The following ASB14 variants were observed in gnomAD, a reference collection of about 807,000 sequenced individuals.
ASB14 encodes ankyrin repeat and SOCS box containing 14.
In ASB14, 63 loss-of-function variants were observed where a neutral mutation model predicts 55.6. The observed-to-expected ratio is 1.13, with a 90% CI of 0.92 to 1.40. The LOEUF (loss-of-function observed/expected upper bound fraction) is 1.40, where lower values mean the gene tolerates loss of function less well. ASB14 is among the 40% of genes most tolerant of loss of function. The pLI is 0.00. For synonymous variants in ASB14, 256 were observed against 259.9 expected (o/e 0.98, Z 0.15); for missense variants, 724 against 710.4 (o/e 1.02, Z -0.22).
chr3:57,285,587 CA>C (rs1478991002), intron 5 of ASB14, among the ~76,000 whole-genome samples: 3 of 152,144 alleles, frequency 2.0e-5, no homozygotes, highest in African/African-American at 7.2e-5. Flanking sequence ...GTATGTCATT[CA>C]AAGGTAGGCC....
In ASB14 at chr3:57,289,059, A is replaced by G. The variant is rs1452668310; in HGVS notation, c.178+9T>C. The G allele has an allele frequency of 1.3e-6, 2 of 1,505,622 alleles. No homozygotes were observed. Among genetic ancestry groups the G allele is most frequent in the Middle Eastern group, 1.7e-4 (1 of 5,938 alleles). The allele number at this position is 1,505,622 out of a possible 1,614,324, so 93.3% of individuals were successfully genotyped here. On this transcript the variant is annotated intron_variant, in intron 3 of 10. Coordinates refer to ENST00000487349, the MANE Select transcript of ASB14 (RefSeq NM_001142733.3). ...CTTACCACAAGTTAAAGGGGATAGG[A>G]GTACTTAACTTTCTCTATTGTTTCA...
chr3:57,274,359 GTTTC>G (rs773893688), intron 10 of ASB14, among the ~76,000 whole-genome samples: 34 of 152,152 alleles, frequency 2.2e-4, no homozygotes, highest in Non-Finnish European at 4.3e-4. Context: ...GTCTTTTTCA[GTTTC>G]TTTCCTCACT....
chr3:57,278,688 G>T lies in ASB14; in HGVS notation c.1120C>A (p.Leu374Met). The change falls in exon 8 of 11, where the codon CTG becomes ATG. Residue 374 changes from leucine to methionine, a missense_variant. By Grantham distance (15) the Leu-to-Met change is conservative. Coordinates refer to ENST00000487349, the MANE Select transcript of ASB14 (RefSeq NM_001142733.3). ...VSNSDLSSVK[L>M]LLSAGALPNQ... Reference sequence around the variant, plus strand: ...GGCAGAGCTCCAGCACTCAGAAGCAGCTTGACTGAAGAGAGGTCACTGTTT... The same window carrying T: ...GGCAGAGCTCCAGCACTCAGAAGCATCTTGACTGAAGAGAGGTCACTGTTT... 6.2e-7 allele frequency: 1 copy of T among 1,614,194 alleles called. No individual in the cohort carries two copies. Among genetic ancestry groups the T allele is most frequent in the Non-Finnish European group, 8.5e-7 (1 of 1,180,034 alleles).
At chr3:57,287,221 G>A (rs566627385) in intron 5 of ASB14, among the ~76,000 whole-genome samples, 1 of 152,268 alleles carries the variant, frequency 6.6e-6, no homozygotes, top group East Asian at 1.9e-4. Flanking sequence ...CAGAGAGTGG[G>A]GCTTGTGGAC....
intron 5 of ASB14, among the ~76,000 whole-genome samples, chr3:57,284,094 A>ATATGTGTGTGTGTGTGTGTGTGTGTGTG (rs1553640085): frequency 1.5e-5 from 2 of 136,488 alleles, no homozygotes; most frequent in African/African-American, 5.6e-5. Flanking sequence ...AACACTGTGT[A>ATATGTGTGTGTGTGTGTGTGTGTGTGTG]TGTGTGTGTG....
In ASB14 at chr3:57,289,685, T is replaced by C. The variant is rs2061112833; in HGVS notation, c.123-562A>G. On this transcript the variant is annotated intron_variant, in intron 2 of 10. Coordinates refer to ENST00000487349, the MANE Select transcript of ASB14 (RefSeq NM_001142733.3). ...AGCAAATAAGGATTGTCACCTTCCA[T>C]TCTTTTTTTTTTTTTTTTTTTTTTT... 2.4e-5 allele frequency among the ~76,000 whole-genome samples: 3 copies of C among 126,066 alleles called. No homozygotes were observed. The South Asian group carries it at 7.8e-4, about 33-fold the overall frequency. 82.7% of individuals were successfully genotyped at this position (126,066 alleles called of 152,430 possible). A position where few individuals can be genotyped will look rare whatever the true frequency, so the allele number is the denominator to read the frequency against.
intron 1 of ASB14, 122 bp from the exon 2 acceptor site, chr3:57,292,226 T>C: frequency 1.6e-6 from 1 of 632,416 alleles, no homozygotes; most frequent in Non-Finnish European, 2.4e-6. Flanking sequence ...TAAAAAAGTT[T>C]TGTGGACTGC....
chr3:57,292,281 C>A (rs112304154), intron 1 of ASB14, among the ~76,000 whole-genome samples, 177 bp from the exon 2 acceptor site: 449 of 152,304 alleles, frequency 2.9e-3, no homozygotes, highest in Middle Eastern at 0.01. Context: ...TAGCCATTGA[C>A]TTAAAGCTTA....
In ASB14 at chr3:57,283,449, G is replaced by T; in HGVS notation, c.470-10C>A. The T allele has an allele frequency of 6.5e-7, 1 of 1,549,754 alleles. No homozygotes were observed. The highest frequency in any genetic ancestry group is 1.2e-5 in the South Asian group (1 of 83,926). On this transcript the variant is annotated splice_polypyrimidine_tract_variant and intron_variant, in intron 5 of 10. Coordinates refer to ENST00000487349, the MANE Select transcript of ASB14 (RefSeq NM_001142733.3). ...CAGTCACGCAGCACAGCTGGGAAAT[G>T]AGAAGTGTGGTGGGCATGTTCAACG...
In ASB14 at chr3:57,278,853, G is replaced by GAACT; in HGVS notation, c.951_954dup (p.His319SerfsTer22). 6.2e-7 allele frequency: 1 copy of GAACT among 1,613,710 alleles called. No individual in the cohort carries two copies. Among genetic ancestry groups the GAACT allele is most frequent in the Non-Finnish European group, 8.5e-7 (1 of 1,179,962 alleles). Reference sequence around the variant, plus strand: ...GGATGTGCTCCTGCTGCTGCACAGTGAACTGGACTGATCCCACTCTGCTTA... The same window carrying GAACT: ...GGATGTGCTCCTGCTGCTGCACAGTGAACTAACTGGACTGATCCCACTCTGCTTA... On this transcript the variant is annotated frameshift_variant, in exon 8 of 11. Transcript: ENST00000487349. LOFTEE classifies it high-confidence loss of function.
chr3:57,275,117 G>A (rs1422369312), intron 10 of ASB14, among the ~76,000 whole-genome samples: 1 of 152,098 alleles, frequency 6.6e-6, no homozygotes, highest in African/African-American at 2.4e-5. Context: ...CCTTATCGCT[G>A]GTTTCCCTTT....
In ASB14 at chr3:57,283,105, C is replaced by T. The variant is rs1324295390; in HGVS notation, c.715+89G>A. The T allele has an allele frequency of 6.2e-6, 9 of 1,447,614 alleles. No homozygotes were observed. In the East Asian group the frequency reaches 2.0e-4, roughly 32 times the overall value. The allele number at this position is 1,447,614 out of a possible 1,614,324, so 89.7% of individuals were successfully genotyped here. On this transcript the variant is annotated intron_variant, in intron 6 of 10. Transcript: ENST00000487349. ...CATTTATATTAGGCTTAAATGTTAACTTTTATTATTTTGAAGCTCTCCATT... is the reference window on the plus strand; with the variant it reads ...CATTTATATTAGGCTTAAATGTTAATTTTTATTATTTTGAAGCTCTCCATT...
chr3:57,289,688 T>C (rs1311527208), intron 2 of ASB14, among the ~76,000 whole-genome samples: 1 of 45,886 alleles, frequency 2.2e-5, no homozygotes, highest in African/African-American at 9.1e-5. Context: ...CCTTCCATTC[T>C]TTTTTTTTTT....
rs1216199235 is a variant in ASB14 at position 57,291,920 on chromosome 3, C to T, written c.114G>A (p.Lys38=). The change falls in exon 2 of 11, where the codon AAG becomes AAA. Residue 38 remains lysine, a synonymous_variant. Coordinates refer to ENST00000487349, the MANE Select transcript of ASB14 (RefSeq NM_001142733.3). ...YKPGTAQHAP[K]DESLHSFLSA... is the part of the protein sequence containing the mutation. ...GATGAGAAAACCATTACCTCTCATC[C>T]TTAGGTGCATGTTGTGCTGTTCCTG... 2.6e-6 allele frequency: 4 copies of T among 1,534,668 alleles called. No homozygotes were observed. Among genetic ancestry groups the T allele is most frequent in the Non-Finnish European group, 2.6e-6 (3 of 1,144,570 alleles).
rs1469082040 is a variant in ASB14, at chr3:57,292,024, A to C, written c.10T>G (p.Tyr4Asp). 4 of 1,534,020 alleles carry C rather than the reference A, an allele frequency of 2.6e-6. No individual in the cohort carries two copies. The highest frequency in any genetic ancestry group is 3.5e-6 in the Non-Finnish European group (4 of 1,144,244). Residue 4 changes from tyrosine to aspartate, a missense_variant, in exon 2 of 11, where the codon TAC becomes GAC. By Grantham distance (160) the Tyr-to-Asp change is radical (BLOSUM62 -3). Transcript: ENST00000487349. The part of the protein sequence containing the change: MDN[Y>D]TSDEDIDEDF... ...TCATCTATGTCTTCATCGCTGGTGT[A>C]ATTATCCATGTGAAACGTGGACAGG...
At position 57,278,004 on chromosome 3, in the gene ASB14, G is replaced by A. The variant is rs2061004170; in HGVS notation, c.1432-84C>T. The A allele has an allele frequency of 2.4e-6, 3 of 1,276,372 alleles. No homozygotes were observed. The East Asian group carries it at 7.3e-5, about 31-fold the overall frequency. The allele number at this position is 1,276,372 out of a possible 1,614,324, so 79.1% of individuals were successfully genotyped here. A position where few individuals can be genotyped will look rare whatever the true frequency, so the allele number is the denominator to read the frequency against. Reference sequence around the variant, plus strand: ...TTAGCATAGTAGTCAAAGGAGATGTGGTGTGATGAAAGCCAAGAGAGAAAA... The same window carrying A: ...TTAGCATAGTAGTCAAAGGAGATGTAGTGTGATGAAAGCCAAGAGAGAAAA... On this transcript the variant is annotated intron_variant, in intron 8 of 10. Coordinates refer to ENST00000487349, the MANE Select transcript of ASB14 (RefSeq NM_001142733.3).
chr3:57,275,617 G>T (rs1239114941), intron 10 of ASB14, among the ~76,000 whole-genome samples: 1 of 152,094 alleles, frequency 6.6e-6, no homozygotes, highest in Non-Finnish European at 1.5e-5. Flanking sequence ...ACACTGTAGG[G>T]CATGCATGTA....
intron 3 of ASB14, 70 bp downstream of exon 3, chr3:57,288,998 G>C (rs1333314827): frequency 8.1e-7 from 1 of 1,227,108 alleles, no homozygotes; most frequent in Non-Finnish European, 1.1e-6. Flanking sequence ...GATTACAGGC[G>C]TGAGCCACTG....
chr3:57,278,696 GAA>G lies in ASB14; in HGVS notation c.1110_1111del (p.Val372GlnfsTer11). The G allele has an allele frequency of 6.2e-7, 1 of 1,614,136 alleles. No homozygotes were observed. Among genetic ancestry groups the G allele is most frequent in the Non-Finnish European group, 8.5e-7 (1 of 1,180,022 alleles). On this transcript the variant is annotated frameshift_variant, in exon 8 of 11. Coordinates refer to ENST00000487349, the MANE Select transcript of ASB14 (RefSeq NM_001142733.3). LOFTEE classifies it high-confidence loss of function. ...TCCAGCACTCAGAAGCAGCTTGACT[GAA>G]GAGAGGTCACTGTTTGATACAGCAA...
Sources: gnomAD v4.1 joint callset for allele counts (sites outside exome capture counted in the v4.1 genomes callset) on GRCh38, gnomAD v4.1.1 for gene constraint, MANE v1.5 for transcripts, NCBI Gene and HGNC (gene_info 2026-07-23, HGNC 2026-07-21) for gene names.